TNS3: variants seen among roughly 807,000 people sequenced by gnomAD.
TNS3 encodes tensin-3.
In TNS3, 45 loss-of-function variants were observed where a neutral mutation model predicts 140.9. That is an observed-to-expected ratio of 0.32 (90% CI 0.25 to 0.41). TNS3 has a LOEUF of 0.41. TNS3 is among the 10% of genes least tolerant of loss of function. TNS3 has a pLI of 1.00. For synonymous variants in TNS3, 815 were observed against 788.4 expected, an observed-to-expected ratio of 1.03 and a Z score of -0.56; for missense variants, 1,716 against 1,906.7, an observed-to-expected ratio of 0.90 and a Z score of 1.86.
At chr7:47,359,456 G>A (rs1312190654) in intron 17 of TNS3, among the ~76,000 whole-genome samples, 1 of 152,098 alleles carries the variant, frequency 6.6e-6, no homozygotes, top group Admixed American at 6.5e-5. Context: ...ACAAATTTCT[G>A]AAACTAGATA....
At chr7:47,377,619 C>T (rs1791476917) in intron 16 of TNS3, among the ~76,000 whole-genome samples, 1 of 151,442 alleles carries the variant, frequency 6.6e-6, no homozygotes. Context: ...GTTGTGAGAT[C>T]AAGACAAAAA....
chr7:47,425,116 C>G (rs1007157820), intron 9 of TNS3, among the ~76,000 whole-genome samples: 1 of 152,184 alleles, frequency 6.6e-6, no homozygotes, highest in Non-Finnish European at 1.5e-5. Context: ...GTCAGGAGTT[C>G]AAGACCAGCC....
intron 6 of TNS3, 131 bp downstream of exon 6, chr7:47,439,356 C>T (rs769732589): frequency 3.1e-5 from 31 of 1,016,218 alleles, no homozygotes; most frequent in Non-Finnish European, 3.7e-5. Flanking sequence ...GAAGGCGCCA[C>T]GGACAGCTGT....
At chr7:47,420,133 T>TA (rs2151454196) in intron 10 of TNS3, among the ~76,000 whole-genome samples, 1 of 152,330 alleles carries the variant, frequency 6.6e-6, no homozygotes, top group South Asian at 2.1e-4. Flanking sequence ...TCTCCTTGTA[T>TA]CTTTAAAGTA....
chr7:47,582,419 T>TA (rs1180405498), upstream of TNS3: 4 of 456,550 alleles, frequency 8.8e-6, no homozygotes, highest in East Asian at 7.0e-5. Flanking sequence ...GGGCCGGTGT[T>TA]AGAGTACCTG....
In TNS3 at chr7:47,369,044, C is replaced by T. The variant is rs1167795071; in HGVS notation, c.1602G>A (p.Gln534=). 1 of 1,613,914 alleles carries T rather than the reference C, an allele frequency of 6.2e-7. No individual in the cohort carries two copies. Among genetic ancestry groups the T allele is most frequent in the Non-Finnish European group, 8.5e-7 (1 of 1,180,040 alleles). ...GGCCCAGGTCCGGAACGAGGGTGCC[C>T]TGCGGATCTTCACCAACGTTGCTGC... ...GFGSNVGEDP[Q]GTLVPDLGLG... is the part of the protein sequence containing the mutation. The change falls in exon 17 of 31, where the codon CAG becomes CAA. Residue 534 remains glutamine, a synonymous_variant. Transcript: ENST00000311160.
At chr7:47,404,814 G>A (rs1323396276) in intron 13 of TNS3, among the ~76,000 whole-genome samples, 5 of 152,058 alleles carry the variant, frequency 3.3e-5, no homozygotes, top group Non-Finnish European at 5.9e-5. Context: ...AACCCAGGAG[G>A]TGGAGCTTGC....
At chr7:47,350,058 A>C (rs1022738704) in intron 17 of TNS3, among the ~76,000 whole-genome samples, 2 of 152,198 alleles carry the variant, frequency 1.3e-5, no homozygotes, top group African/African-American at 4.8e-5. Context: ...CACAACTGCC[A>C]ACTCTATTCC....
intron 20 of TNS3, among the ~76,000 whole-genome samples, chr7:47,344,358 T>A (rs117486805): frequency 7.1e-4 from 107 of 151,362 alleles, no homozygotes; most frequent in Non-Finnish European, 1.4e-3. Context: ...GGCCACAAGG[T>A]ACGTGTGAGA....
At chr7:47,326,497 G>T (rs776456435) in intron 20 of TNS3, among the ~76,000 whole-genome samples, 6 of 152,016 alleles carry the variant, frequency 3.9e-5, no homozygotes, top group Non-Finnish European at 8.8e-5. Flanking sequence ...GAAGGCACAG[G>T]TACTCTGGGA....
At chr7:47,480,576 A>G (rs1562790372) in intron 4 of TNS3, among the ~76,000 whole-genome samples, 1 of 152,258 alleles carries the variant, frequency 6.6e-6, no homozygotes, top group Non-Finnish European at 1.5e-5. Flanking sequence ...AAGGAGCTGC[A>G]TTTGAAAAGC....
chr7:47,415,761 CT>C (rs1438832476), intron 10 of TNS3, among the ~76,000 whole-genome samples: 1 of 152,270 alleles, frequency 6.6e-6, no homozygotes, highest in East Asian at 1.9e-4. Flanking sequence ...TGCTGTCCCC[CT>C]CTTCAAGGCC....
intron 4 of TNS3, among the ~76,000 whole-genome samples, chr7:47,479,549 G>A (rs2151782490): frequency 6.6e-6 from 1 of 152,008 alleles, no homozygotes; most frequent in African/African-American, 2.4e-5. Flanking sequence ...ACAGGCCTGG[G>A]GACACAGCTG....
chr7:47,347,814 C>G (rs1789436002), intron 17 of TNS3, among the ~76,000 whole-genome samples: 1 of 152,166 alleles, frequency 6.6e-6, no homozygotes, highest in South Asian at 2.1e-4. Flanking sequence ...TCACGTGTAT[C>G]CCTCACCAGC....
intron 16 of TNS3, among the ~76,000 whole-genome samples, chr7:47,391,879 C>T (rs1173103388): frequency 2.6e-5 from 4 of 152,146 alleles, no homozygotes; most frequent in African/African-American, 9.7e-5. Context: ...GTCTCAAAGT[C>T]TCAAAGAGGA....
chr7:47,567,981 C>T (rs1384051665), intron 1 of TNS3, among the ~76,000 whole-genome samples: 1 of 152,132 alleles, frequency 6.6e-6, no homozygotes, highest in African/African-American at 2.4e-5. Flanking sequence ...GGCTGATTCT[C>T]CAGCCCAATG....
At chr7:47,533,945 A>T (rs975486337) in intron 1 of TNS3, among the ~76,000 whole-genome samples, 4 of 152,086 alleles carry the variant, frequency 2.6e-5, no homozygotes, top group Non-Finnish European at 5.9e-5. Context: ...TGTCTTCATC[A>T]GCAGCATGAA....
intron 1 of TNS3, among the ~76,000 whole-genome samples, chr7:47,565,955 G>A (rs1229551339): frequency 6.6e-6 from 1 of 152,080 alleles, no homozygotes; most frequent in African/African-American, 2.4e-5. Flanking sequence ...TGATATGCGT[G>A]GATTACTGCA....
chr7:47,354,372 C>A (rs1029614689), intron 17 of TNS3, among the ~76,000 whole-genome samples: 3 of 150,170 alleles, frequency 2.0e-5, no homozygotes, highest in Non-Finnish European at 4.4e-5. Context: ...CCCCAACGTA[C>A]CCCTTCTCAG....
Sources: allele counts gnomAD v4.1 joint callset (sites outside exome capture counted in the v4.1 genomes callset), GRCh38; gene constraint gnomAD v4.1.1; transcripts MANE v1.5; gene names NCBI Gene and HGNC (gene_info 2026-07-23, HGNC 2026-07-21).